Variants in PCGF5 observed in about 807,000 individuals in gnomAD.
The protein encoded by PCGF5 is polycomb group ring finger 5.
Under a neutral mutation model 44.3 loss-of-function variants are expected in PCGF5, and 9 were observed. That is an observed-to-expected ratio of 0.20 (90% CI 0.12 to 0.35). The LOEUF is 0.35. Ranked by LOEUF, PCGF5 falls within the 10% of genes least tolerant of loss-of-function variation. The pLI, the probability that PCGF5 is intolerant of heterozygous loss-of-function variation, is 1.00. For synonymous variants in PCGF5, 95 were observed against 102.5 expected (o/e 0.93, Z 0.44); for missense variants, 146 against 305.3 (o/e 0.48, Z 3.89).
chr10:91,186,933 A>G (rs1271835340), intron 1 of PCGF5, among the ~76,000 whole-genome samples: 1 of 152,232 alleles, frequency 6.6e-6, no homozygotes, highest in Non-Finnish European at 1.5e-5. Flanking sequence ...ACAATGCAAG[A>G]CCAGTGAAAA....
chr10:91,268,961 A>G (rs1361291401), intron 8 of PCGF5, among the ~76,000 whole-genome samples: 1 of 152,166 alleles, frequency 6.6e-6, no homozygotes, highest in Non-Finnish European at 1.5e-5. Context: ...TCTATACTCA[A>G]GCTTGGCATT....
rs186801519 is a variant in PCGF5 at position 91,164,996 on chromosome 10, A to G, written c.-184+1915A>G. 3.3e-5 allele frequency among the ~76,000 whole-genome samples: 5 copies of G among 152,340 alleles called. No individual in the cohort carries two copies. The East Asian group carries it at 7.7e-4, about 23-fold the overall frequency. ...TAGCACCTAGAACAGTGCCTGGCAT[A>G]TATGAAACACTTAGTATTTGTTGAA... On this transcript the variant is annotated intron_variant, in intron 1 of 9. Transcript: ENST00000614189.
At chr10:91,230,020 T>G (rs1257260523) in intron 2 of PCGF5, among the ~76,000 whole-genome samples, 1 of 152,184 alleles carries the variant, frequency 6.6e-6, no homozygotes, top group Non-Finnish European at 1.5e-5. Context: ...GGTCTTAATC[T>G]TGGTGTCATC....
chr10:91,235,508 A>G (rs1028934655), intron 2 of PCGF5, among the ~76,000 whole-genome samples: 2 of 151,466 alleles, frequency 1.3e-5, no homozygotes, highest in African/African-American at 4.9e-5. Flanking sequence ...GTTTGAGACC[A>G]GCCTGGGCAA....
intron 3 of PCGF5, among the ~76,000 whole-genome samples, chr10:91,243,255 C>T (rs1845377242): frequency 6.6e-6 from 1 of 152,014 alleles, no homozygotes; most frequent in Non-Finnish European, 1.5e-5. Flanking sequence ...TCTTTTTAGC[C>T]AAAACTAGGT....
At chr10:91,180,600 A>G (rs1465025518) in intron 1 of PCGF5, among the ~76,000 whole-genome samples, 1 of 152,176 alleles carries the variant, frequency 6.6e-6, no homozygotes, top group African/African-American at 2.4e-5. Context: ...CTATTTATGA[A>G]TAGGGAATCC....
intron 2 of PCGF5, among the ~76,000 whole-genome samples, chr10:91,238,717 C>A (rs1437780478): frequency 1.4e-5 from 2 of 138,326 alleles, no homozygotes; most frequent in Non-Finnish European, 3.0e-5. Flanking sequence ...TTCAGCTTCT[C>A]TGTCTTCTAC....
intron 1 of PCGF5, among the ~76,000 whole-genome samples, chr10:91,173,078 C>T (rs1208498890): frequency 6.6e-6 from 1 of 152,226 alleles, no homozygotes; most frequent in Non-Finnish European, 1.5e-5. Context: ...TACATCTGGT[C>T]TATCTCCTAG....
intron 5 of PCGF5, among the ~76,000 whole-genome samples, chr10:91,250,999 T>C (rs1348424469): frequency 6.6e-6 from 1 of 151,838 alleles, no homozygotes; most frequent in Non-Finnish European, 1.5e-5. Context: ...TAATTACTAA[T>C]TGTAATCATT....
At chr10:91,176,414 T>C (rs1180666361) in intron 1 of PCGF5, among the ~76,000 whole-genome samples, 6 of 152,198 alleles carry the variant, frequency 3.9e-5, no homozygotes, top group African/African-American at 1.4e-4. Flanking sequence ...TCAAGGAGTA[T>C]CTTTGTGGCA....
intron 3 of PCGF5, among the ~76,000 whole-genome samples, chr10:91,245,106 G>C (rs897878122): frequency 8.5e-5 from 13 of 152,164 alleles, no homozygotes; most frequent in African/African-American, 2.9e-4. Flanking sequence ...GAGAACTCCA[G>C]CATTAAGTGT....
chr10:91,227,356 G>A, intron 2 of PCGF5: 5 of 1,168,844 alleles, frequency 4.3e-6, no homozygotes, highest in Non-Finnish European at 5.7e-6. Context: ...CCTACTGGAT[G>A]TCCACTTGGA....
At chr10:91,173,071 A>G (rs552493529) in intron 1 of PCGF5, among the ~76,000 whole-genome samples, 10 of 152,322 alleles carry the variant, frequency 6.6e-5, no homozygotes, top group Admixed American at 2.6e-4. Context: ...AAAAAATTAC[A>G]TCTGGTCTAT....
chr10:91,164,245 T>TG (rs563482264), intron 1 of PCGF5, among the ~76,000 whole-genome samples: 278 of 151,554 alleles, frequency 1.8e-3, no homozygotes, highest in African/African-American at 6.2e-3. Flanking sequence ...CAATAACTTG[T>TG]GGGGGGGTCA....
chr10:91,172,702 T>C (rs1843631927), intron 1 of PCGF5, among the ~76,000 whole-genome samples: 1 of 152,224 alleles, frequency 6.6e-6, no homozygotes, highest in African/African-American at 2.4e-5. Flanking sequence ...TGCCCCCAAG[T>C]TAAACTAACC....
At chr10:91,274,920 A>G (rs879754203) in intron 9 of PCGF5, among the ~76,000 whole-genome samples, 1 of 152,222 alleles carries the variant, frequency 6.6e-6, no homozygotes, top group Non-Finnish European at 1.5e-5. Context: ...GGGGAATTCA[A>G]TTCTACCTCA....
At chr10:91,226,435 C>T (rs895117657) in intron 2 of PCGF5, among the ~76,000 whole-genome samples, 6 of 152,008 alleles carry the variant, frequency 3.9e-5, no homozygotes, top group African/African-American at 1.4e-4. Flanking sequence ...AAGCTACAGA[C>T]CATATGCCAT....
intron 3 of PCGF5, among the ~76,000 whole-genome samples, chr10:91,247,916 A>C (rs1845509569): frequency 6.6e-6 from 1 of 152,110 alleles, no homozygotes; most frequent in Admixed American, 6.6e-5. Context: ...TGGGTGGTTC[A>C]TCTGGTCTTG....
chr10:91,166,045 C>T (rs1048091021), intron 1 of PCGF5, among the ~76,000 whole-genome samples: 2 of 152,186 alleles, frequency 1.3e-5, no homozygotes, highest in African/African-American at 4.8e-5. Flanking sequence ...TAAAAGAGAC[C>T]TTGAAATTAC....
Sources: allele counts gnomAD v4.1 joint callset (sites outside exome capture counted in the v4.1 genomes callset), GRCh38; gene constraint gnomAD v4.1.1; transcripts MANE v1.5; gene names NCBI Gene and HGNC (gene_info 2026-07-23, HGNC 2026-07-21).